TRIB2: variants seen among roughly 807,000 people sequenced by gnomAD.
The protein encoded by TRIB2 is tribbles pseudokinase 2.
Under a neutral mutation model 26.8 loss-of-function variants are expected in TRIB2, and 2 were observed. The observed-to-expected ratio is 0.07, with a 90% CI of 0.03 to 0.24. The LOEUF is 0.24. Among genes scored for constraint, TRIB2 ranks in the 10% least tolerant of loss-of-function variants. TRIB2 has a pLI of 1.00. For synonymous variants in TRIB2, 189 were observed against 187.3 expected (o/e 1.01, Z -0.08); for missense variants, 306 against 449.0 (o/e 0.68, Z 2.88).
rs576935932 is a variant in TRIB2 at position 12,723,288 on chromosome 2, C to A, written c.299C>A (p.Ser100Tyr). The A allele has an allele frequency of 1.8e-5, 29 of 1,614,018 alleles. No individual in the cohort carries two copies. Among genetic ancestry groups the A allele is most frequent in the South Asian group, 1.4e-4 (13 of 91,082 alleles). Reference protein sequence around the residue: ...KVFDISCYQESLAPCFCLSAH... With the variant: ...KVFDISCYQEYLAPCFCLSAH... Reference sequence around the variant, plus strand: ...TTTGATATCAGCTGCTACCAGGAATCCCTGGCACCGTGCTTTTGCCTGTCT... The same window carrying A: ...TTTGATATCAGCTGCTACCAGGAATACCTGGCACCGTGCTTTTGCCTGTCT... The change falls in exon 2 of 3, where the codon TCC becomes TAC. Residue 100 changes from serine (S) to tyrosine (Y), a missense_variant. Physicochemically the swap from Ser to Tyr is moderately radical, Grantham distance 144 (BLOSUM62 -2). Coordinates refer to ENST00000155926, the MANE Select transcript of TRIB2 (RefSeq NM_021643.4).
rs765225177 is a variant in TRIB2, at chr2:12,718,280, TTG to T, written c.-26_-25del. 2 of 1,590,844 alleles carry T rather than the reference TTG, an allele frequency of 1.3e-6. No homozygotes were observed. Among genetic ancestry groups the T allele is most frequent in the Non-Finnish European group, 1.7e-6 (2 of 1,166,326 alleles). On this transcript the variant is annotated 5_prime_UTR_variant, in exon 1 of 3. Coordinates refer to ENST00000155926, the MANE Select transcript of TRIB2 (RefSeq NM_021643.4). The surrounding 1 kb of genome is among the most constrained non-coding windows in gnomAD (Gnocchi z 4.0). The stretch of plus-strand genomic sequence containing the variant: ...ACTCATCTCTCCAGCGGGTTTTTTT[TTG>T]TTTGTCGTGTGCGATCCTCACACTC...
intron 2 of TRIB2, among the ~76,000 whole-genome samples, chr2:12,733,646 T>C (rs900480822): frequency 6.6e-6 from 1 of 152,250 alleles, no homozygotes; most frequent in Non-Finnish European, 1.5e-5. Context: ...GTTTCTATTA[T>C]TGTTACTATA....
intron 2 of TRIB2, among the ~76,000 whole-genome samples, chr2:12,729,099 A>T (rs1163891648): frequency 6.6e-6 from 1 of 152,172 alleles, no homozygotes; most frequent in Non-Finnish European, 1.5e-5. Context: ...AAACCCCTTT[A>T]TGTACTTGAG....
rs919341016 is a variant in TRIB2, at chr2:12,717,797, C to G, written c.-511C>G. The G allele has an allele frequency of 4.9e-5, 15 of 307,474 alleles. No individual in the cohort carries two copies. The highest frequency in any genetic ancestry group is 3.2e-4 in the African/African-American group (15 of 46,536). 19.0% of individuals were successfully genotyped at this position (307,474 alleles called of 1,614,324 possible). ...TGCCGTGCGTCGCCAGCCGGTAGACCCGTGCTTGTTTCCTTTCTCTTTTTG... is the reference window on the plus strand; with the variant it reads ...TGCCGTGCGTCGCCAGCCGGTAGACGCGTGCTTGTTTCCTTTCTCTTTTTG... On this transcript the variant is annotated 5_prime_UTR_variant, in exon 1 of 3. Coordinates refer to ENST00000155926, the MANE Select transcript of TRIB2 (RefSeq NM_021643.4). This position sits in a 1 kb window ranked among gnomAD's most constrained non-coding sequence, Gnocchi z 4.8.
chr2:12,719,771 A>C (rs971306733), intron 1 of TRIB2, among the ~76,000 whole-genome samples: 2 of 149,614 alleles, frequency 1.3e-5, no homozygotes, highest in Non-Finnish European at 1.5e-5. Flanking sequence ...GGAGATCTCC[A>C]GTCAGTTTTG....
At position 12,732,234 on chromosome 2, in the gene TRIB2, C is replaced by T. The variant is rs1388062280; in HGVS notation, c.564-8092C>T. ...TCGGGCAGGAATGTGCACCTGCATGCGGACAGGGCAGGGATTCCGTCGTGG... is the reference window on the plus strand; with the variant it reads ...TCGGGCAGGAATGTGCACCTGCATGTGGACAGGGCAGGGATTCCGTCGTGG... On this transcript the variant is annotated intron_variant, in intron 2 of 2. Transcript: ENST00000155926. This position sits in a 1 kb window ranked among gnomAD's most constrained non-coding sequence, Gnocchi z 4.2. 6.6e-6 allele frequency among the ~76,000 whole-genome samples: 1 copy of T among 152,100 alleles called. No homozygotes were observed. The highest frequency in any genetic ancestry group is 1.5e-5 in the Non-Finnish European group (1 of 68,022).
rs1446450432 is a variant in TRIB2 at position 12,742,092 on chromosome 2, G to GT, written c.*1301dup. ...TTAACATTTATAATTCTTTTTCCTT[G>GT]TTTGAGTATTTCTGTCTCTGAAATA... On this transcript the variant is annotated 3_prime_UTR_variant, in exon 3 of 3. Coordinates refer to ENST00000155926, the MANE Select transcript of TRIB2 (RefSeq NM_021643.4). 1 of 152,564 alleles carries GT rather than the reference G, an allele frequency of 6.6e-6. No homozygotes were observed. The highest frequency in any genetic ancestry group is 1.5e-5 in the Non-Finnish European group (1 of 68,008). 9.5% of individuals were successfully genotyped at this position (152,564 alleles called of 1,614,324 possible). A position where few individuals can be genotyped will look rare whatever the true frequency, so the allele number is the denominator to read the frequency against.
At chr2:12,738,890 T>C (rs35143408) in intron 2 of TRIB2, among the ~76,000 whole-genome samples, 68,601 of 152,068 alleles carry the variant, frequency 0.45, 16,356 homozygotes, top group East Asian at 0.83. Flanking sequence ...TCATACACAA[T>C]GATGACATCA....
rs1387958087 is a variant in TRIB2 at position 12,718,896 on chromosome 2, G to C, written c.270+319G>C. Among the ~76,000 whole-genome samples, 1 of 152,108 alleles carries C rather than the reference G, an allele frequency of 6.6e-6. No individual in the cohort carries two copies. The highest frequency in any genetic ancestry group is 1.9e-4 in the East Asian group (1 of 5,150). ...GCGAGGCCGGGTCCCGCTGCCCGGG[G>C]GGGATTTCTTCCTGTGTCTAGCCCC... On this transcript the variant is annotated intron_variant, in intron 1 of 2. Transcript: ENST00000155926. The surrounding 1 kb of genome is among the most constrained non-coding windows in gnomAD (Gnocchi z 4.0).
Position 12,740,842 on chromosome 2 carries a change from A to G in TRIB2, c.*48A>G, listed in dbSNP as rs764993256. On this transcript the variant is annotated 3_prime_UTR_variant, in exon 3 of 3. Coordinates refer to ENST00000155926, the MANE Select transcript of TRIB2 (RefSeq NM_021643.4). The surrounding 1 kb of genome is among the most constrained non-coding windows in gnomAD (Gnocchi z 5.8). ...GCAGGTTCCAGGAGTGAGCGAGGGC[A>G]GCGGAAAGGAGTTCTTCCGGGGGAC... 2.0e-6 allele frequency: 3 copies of G among 1,529,436 alleles called. No individual in the cohort carries two copies. Among genetic ancestry groups the G allele is most frequent in the African/African-American group, 2.8e-5 (2 of 72,588 alleles). 94.7% of individuals were successfully genotyped at this position (1,529,436 alleles called of 1,614,324 possible).
chr2:12,738,357 C>T (rs1396778829), intron 2 of TRIB2, among the ~76,000 whole-genome samples: 6 of 151,998 alleles, frequency 3.9e-5, no homozygotes, highest in African/African-American at 9.7e-5. Context: ...TTTTGCACTT[C>T]GGGGCAAACA....
intron 2 of TRIB2, among the ~76,000 whole-genome samples, chr2:12,738,400 G>A (rs914928732): frequency 6.6e-6 from 1 of 152,288 alleles, no homozygotes; most frequent in East Asian, 1.9e-4. Flanking sequence ...TTGCATGTGT[G>A]CTTTTGAGAT....
chr2:12,727,654 G>A (rs17465002), intron 2 of TRIB2, among the ~76,000 whole-genome samples: 61,117 of 151,970 alleles, frequency 0.4, 14,878 homozygotes, highest in East Asian at 0.82. Context: ...CTTCTCCTTC[G>A]TTCCCAGGGA....
intron 2 of TRIB2, among the ~76,000 whole-genome samples, chr2:12,727,935 C>T (rs548688602): frequency 3.3e-5 from 5 of 152,174 alleles, no homozygotes; most frequent in African/African-American, 9.7e-5. Flanking sequence ...CCGCCTCCCC[C>T]TCTCTGCTGT....
At position 12,717,298 on chromosome 2, in the gene TRIB2, C is replaced by G. The variant is rs773637544; in HGVS notation, c.-1010C>G. On this transcript the variant is annotated 5_prime_UTR_variant, in exon 1 of 3. Coordinates refer to ENST00000155926, the MANE Select transcript of TRIB2 (RefSeq NM_021643.4). The surrounding 1 kb of genome is among the most constrained non-coding windows in gnomAD (Gnocchi z 4.8). ...GGGAAAGGGGCAAAGGAACGCCGCG[C>G]GTTGGAAGGGCCAGGGACGCAGCTC... 11 of 398,242 alleles carry G rather than the reference C, an allele frequency of 2.8e-5. No individual in the cohort carries two copies. Among genetic ancestry groups the G allele is most frequent in the Admixed American group, 4.4e-5 (1 of 22,706 alleles). 24.7% of individuals were successfully genotyped at this position (398,242 alleles called of 1,614,324 possible).
chr2:12,721,397 C>T (rs955397744), intron 1 of TRIB2, among the ~76,000 whole-genome samples: 5 of 152,176 alleles, frequency 3.3e-5, no homozygotes, highest in East Asian at 1.9e-4. Context: ...TGAGCACTGG[C>T]GACAGAAGCT....
chr2:12,726,820 C>T (rs886748864), intron 2 of TRIB2, among the ~76,000 whole-genome samples: 6 of 152,204 alleles, frequency 3.9e-5, no homozygotes, highest in East Asian at 1.9e-4. Flanking sequence ...GCAGGCTTTA[C>T]GTGTGAAATT....
rs1203436811 is a variant in TRIB2, at chr2:12,742,007, A to G, written c.*1213A>G. The stretch of plus-strand genomic sequence containing the variant: ...TTATTAAGGAAAATGTCACATTGTG[A>G]TGTATTAAGCCAGTACTTCAATTAC... On this transcript the variant is annotated 3_prime_UTR_variant, in exon 3 of 3. Transcript: ENST00000155926. 1 of 152,676 alleles carries G rather than the reference A, an allele frequency of 6.5e-6. No homozygotes were observed. Among genetic ancestry groups the G allele is most frequent in the African/African-American group, 2.4e-5 (1 of 41,470 alleles). 9.5% of individuals were successfully genotyped at this position (152,676 alleles called of 1,614,324 possible). A position where few individuals can be genotyped will look rare whatever the true frequency, so the allele number is the denominator to read the frequency against.
At chr2:12,736,180 G>C (rs995576177) in intron 2 of TRIB2, among the ~76,000 whole-genome samples, 2 of 152,110 alleles carry the variant, frequency 1.3e-5, no homozygotes, top group African/African-American at 4.8e-5. Context: ...ATGGAAAAGG[G>C]CCTCAGATTT....
Sources: gnomAD v4.1 joint callset for allele counts (sites outside exome capture counted in the v4.1 genomes callset) on GRCh38, gnomAD v4.1.1 for gene constraint, Gnocchi (gnomAD v3.1) non-coding constraint, MANE v1.5 for transcripts, NCBI Gene and HGNC (gene_info 2026-07-23, HGNC 2026-07-21) for gene names.